CFAP57: variants seen among roughly 807,000 people sequenced by gnomAD.
The protein encoded by CFAP57 is cilia- and flagella-associated protein 57.
CFAP57 carries 116 observed loss-of-function variants against 146.8 expected under a neutral mutation model. The observed-to-expected ratio is 0.79, with a 90% CI of 0.68 to 0.92. The LOEUF (loss-of-function observed/expected upper bound fraction) is 0.92, where lower values mean the gene tolerates loss of function less well. CFAP57 is among the 40% of genes least tolerant of loss of function. The pLI is 0.00. For missense variants in CFAP57, 1,377 were observed against 1,527.2 expected (o/e 0.90, Z 1.64); for synonymous variants, 518 against 552.8 (o/e 0.94, Z 0.88).
At chr1:43,193,377 A>G (rs1272466283) in intron 6 of CFAP57, among the ~76,000 whole-genome samples, 1 of 151,940 alleles carries the variant, frequency 6.6e-6, no homozygotes, top group Non-Finnish European at 1.5e-5. Context: ...GTATAGTTGA[A>G]TTTATGTCTA....
chr1:43,178,293 C>T (rs1310861646), intron 2 of CFAP57, among the ~76,000 whole-genome samples: 3 of 152,142 alleles, frequency 2.0e-5, no homozygotes, highest in Non-Finnish European at 4.4e-5. Flanking sequence ...CAAATGGGAT[C>T]TAATTAAACT....
intron 2 of CFAP57, among the ~76,000 whole-genome samples, chr1:43,177,810 A>G (rs1010076413): frequency 6.6e-6 from 1 of 152,176 alleles, no homozygotes; most frequent in African/African-American, 2.4e-5. Context: ...TAATGCCGCC[A>G]CTGATCTGAG....
intron 9 of CFAP57, among the ~76,000 whole-genome samples, chr1:43,204,522 A>G (rs1360990433): frequency 6.6e-6 from 1 of 152,164 alleles, no homozygotes; most frequent in Non-Finnish European, 1.5e-5. Context: ...TTGGCTGATT[A>G]TCTGTTTCGT....
intron 9 of CFAP57, among the ~76,000 whole-genome samples, chr1:43,205,461 TGAG>T (rs1644318050): frequency 6.6e-6 from 1 of 152,146 alleles, no homozygotes; most frequent in South Asian, 2.1e-4. Context: ...GAGTGACACT[TGAG>T]GTGTGTGCGT....
chr1:43,236,633 G>T (rs1299979738), intron 21 of CFAP57, among the ~76,000 whole-genome samples: 1 of 147,692 alleles, frequency 6.8e-6, no homozygotes, highest in Non-Finnish European at 1.5e-5. Flanking sequence ...TTTCCAGCCG[G>T]GCGCAGTGGC....
chr1:43,224,582 T>A (rs1360635360), intron 17 of CFAP57, among the ~76,000 whole-genome samples: 1 of 152,138 alleles, frequency 6.6e-6, no homozygotes, highest in Admixed American at 6.5e-5. Context: ...TGGGGACAGC[T>A]CACTTGCCGC....
intron 12 of CFAP57, 117 bp downstream of exon 12, chr1:43,215,533 C>T: frequency 8.3e-7 from 1 of 1,205,456 alleles, no homozygotes. Context: ...AGTGCAGACC[C>T]CCACGGCTCC....
chr1:43,251,467 G>A (rs1646324188), intron 22 of CFAP57, among the ~76,000 whole-genome samples: 2 of 152,156 alleles, frequency 1.3e-5, no homozygotes. Flanking sequence ...GTCCTTTCCT[G>A]AAGAACGAAC....
chr1:43,180,207 AAAAAATATATATATTTTATATATATAT>A (rs1308452197), intron 2 of CFAP57, among the ~76,000 whole-genome samples: 3 of 145,840 alleles, frequency 2.1e-5, no homozygotes, highest in African/African-American at 7.7e-5. Context: ...ACTCTATCTC[AAAAAATATATATATTTTATATATATAT>A]ATATAAAATA....
At chr1:43,190,688 G>A (rs888525111) in intron 6 of CFAP57, among the ~76,000 whole-genome samples, 9 of 146,578 alleles carry the variant, frequency 6.1e-5, no homozygotes, top group African/African-American at 1.3e-4. Flanking sequence ...TATCATGAAC[G>A]GCTGTTGGAT....
Position 43,253,994 on chromosome 1 carries a change from C to T in CFAP57, c.3556C>T (p.Leu1186Phe). 1 of 1,550,412 alleles carries T rather than the reference C, an allele frequency of 6.4e-7. No individual in the cohort carries two copies. The highest frequency in any genetic ancestry group is 1.4e-5 in the African/African-American group (1 of 73,088). The change falls in exon 23 of 23, where the codon CTC becomes TTC. Residue 1186 changes from leucine to phenylalanine, a missense_variant. Physicochemically the swap from Leu to Phe is conservative, Grantham distance 22. Transcript: ENST00000372492. The part of the protein sequence containing the change: ...VSETEPSRDM[L>F]STAPTARLNE... Reference sequence around the variant, plus strand: ...TCTTACAGAACCCAGCAGGGACATGCTCAGCACAGCTCCCACCGCAAGGTT... The same window carrying T: ...TCTTACAGAACCCAGCAGGGACATGTTCAGCACAGCTCCCACCGCAAGGTT...
Position 43,221,424 on chromosome 1 carries a change from A to G in CFAP57, c.2300A>G (p.Glu767Gly), listed in dbSNP as rs61750867. The G allele has an allele frequency of 8.7e-4, 1,342 of 1,543,918 alleles. 9 individuals are homozygous for G. The African/African-American group carries it at 0.016, about 18-fold the overall frequency. The change falls in exon 14 of 23, where the codon GAA becomes GGA. Residue 767 changes from glutamate (E) to glycine (G), a missense_variant. Glu to Gly is a moderately conservative substitution (Grantham distance 98, BLOSUM62 -2). Coordinates refer to ENST00000372492, the MANE Select transcript of CFAP57 (RefSeq NM_001378189.1). Reference protein sequence around the residue: ...KQDVYHHEHIEDLLDKQSREL... With the variant: ...KQDVYHHEHIGDLLDKQSREL... ...GATGTTTATCACCATGAGCACATAG[A>G]AGACCTCCTAGACAAGCAAAGCCGG...
chr1:43,230,317 C>T (rs759906258), intron 18 of CFAP57, among the ~76,000 whole-genome samples: 10 of 152,348 alleles, frequency 6.6e-5, no homozygotes, highest in Non-Finnish European at 1.0e-4. Flanking sequence ...TCTGCCTCCT[C>T]AGCCAAACTG....
At chr1:43,227,256 C>T (rs1354619203) in intron 18 of CFAP57, 130 bp downstream of exon 18, 1 of 1,136,628 alleles carries the variant, frequency 8.8e-7, no homozygotes, top group African/African-American at 1.6e-5. Flanking sequence ...TGTGTGCAGC[C>T]TCCAGTCCAC....
At chr1:43,190,349 C>CA (rs1280075505) in intron 6 of CFAP57, among the ~76,000 whole-genome samples, 1 of 144,084 alleles carries the variant, frequency 6.9e-6, no homozygotes, top group African/African-American at 2.6e-5. Context: ...TGGCTCACTG[C>CA]AAGCTCCACC....
chr1:43,193,140 C>T (rs1643649779), intron 6 of CFAP57, among the ~76,000 whole-genome samples: 1 of 152,122 alleles, frequency 6.6e-6, no homozygotes, highest in African/African-American at 2.4e-5. Flanking sequence ...GTAACATTTT[C>T]TATTTTGAAG....
At chr1:43,236,981 T>C (rs1645730454) in intron 21 of CFAP57, among the ~76,000 whole-genome samples, 1 of 150,924 alleles carries the variant, frequency 6.6e-6, no homozygotes, top group South Asian at 2.1e-4. Context: ...AAGGTAGAAA[T>C]CCAGTGGGAA....
chr1:43,200,206 A>G (rs1175453389), intron 9 of CFAP57, among the ~76,000 whole-genome samples: 1 of 152,198 alleles, frequency 6.6e-6, no homozygotes, highest in East Asian at 1.9e-4. Context: ...TTTAGAAAGT[A>G]AAGTCGTGGT....
chr1:43,233,655 T>C (rs1645566170), intron 19 of CFAP57, among the ~76,000 whole-genome samples: 1 of 152,068 alleles, frequency 6.6e-6, no homozygotes, highest in Non-Finnish European at 1.5e-5. Flanking sequence ...GCATAATAGT[T>C]ATATTGAGAG....
Sources: allele counts gnomAD v4.1 joint callset (sites outside exome capture counted in the v4.1 genomes callset), GRCh38; gene constraint gnomAD v4.1.1; transcripts MANE v1.5; gene names NCBI Gene and HGNC (gene_info 2026-07-23, HGNC 2026-07-21).